Variants in SETX observed in about 807,000 individuals in gnomAD.
The protein encoded by SETX is senataxin, also known as helicase senataxin.
A neutral mutation model predicts 227.2 loss-of-function variants in SETX; 90 were observed. The ratio of observed to expected loss-of-function variants is 0.40; its 90% CI spans 0.33 to 0.47. The LOEUF is 0.47. Ranked by LOEUF, SETX falls within the 20% of genes least tolerant of loss-of-function variation. The pLI is 0.91. For missense variants in SETX, 3,052 were observed against 3,181.5 expected (o/e 0.96, Z 0.98); for synonymous variants, 1,210 against 1,113.2 (o/e 1.09, Z -1.73).
At chr9:132,302,680 G>GAAAAA (rs1564510211) in intron 11 of SETX, among the ~76,000 whole-genome samples, 2 of 36,176 alleles carry the variant, frequency 5.5e-5, no homozygotes, top group Non-Finnish European at 1.0e-4. Flanking sequence ...AAAAAAAAAA[G>GAAAAA]CAAAAAAAAA....
chr9:132,325,932 TAAA>T lies in SETX; in HGVS notation c.5274+389_5274+391del, dbSNP rs1305318477. On this transcript the variant is annotated intron_variant, in intron 10 of 25. Coordinates refer to ENST00000224140, the MANE Select transcript of SETX (RefSeq NM_015046.7). ...TGGGCAGCAAGAGCAAAACTCCACC[TAAA>T]AAAAAAAAAAAAAAAAAGTGTTTCC... 8.8e-4 allele frequency among the ~76,000 whole-genome samples: 65 copies of T among 73,956 alleles called. 1 individual carries two copies. The highest frequency in any genetic ancestry group is 4.4e-4 in the Admixed American group (3 of 6,768). 48.5% of individuals were successfully genotyped at this position (73,956 alleles called of 152,430 possible).
At chr9:132,352,219 T>C (rs1043139272) in intron 2 of SETX, among the ~76,000 whole-genome samples, 2 of 152,220 alleles carry the variant, frequency 1.3e-5, no homozygotes, top group African/African-American at 4.8e-5. Flanking sequence ...TGCTAAAGCA[T>C]ATGAAAATGC....
chr9:132,305,112 T>C (rs902410558), intron 11 of SETX, among the ~76,000 whole-genome samples: 7 of 152,138 alleles, frequency 4.6e-5, no homozygotes, highest in Non-Finnish European at 8.8e-5. Context: ...CCCAGCACTT[T>C]GGGAGGCCGA....
chr9:132,270,217 G>A (rs78428463), intron 24 of SETX, among the ~76,000 whole-genome samples: 1 of 149,140 alleles, frequency 6.7e-6, no homozygotes, highest in Non-Finnish European at 1.5e-5. Context: ...AGACACAGGT[G>A]GACTCTACAA....
chr9:132,302,284 G>A (rs1205715834), intron 11 of SETX, among the ~76,000 whole-genome samples: 1 of 146,968 alleles, frequency 6.8e-6, no homozygotes, highest in Non-Finnish European at 1.5e-5. Context: ...GTGAACCCAG[G>A]AGGCGGAGCT....
At chr9:132,265,206 T>G (rs1350073970) in intron 25 of SETX, among the ~76,000 whole-genome samples, 1 of 148,860 alleles carries the variant, frequency 6.7e-6, no homozygotes, top group South Asian at 2.1e-4. Context: ...CAACCTATAA[T>G]GGAGAACTTC....
In SETX at chr9:132,330,024, G is replaced by GAATGC; in HGVS notation, c.1569_1573dup (p.Ser525CysfsTer16). ...AAGTTGTACAGAGTTAGATGGCATG[G>GAATGC]AATGCAATGACAGTGAAGATATCAT... On this transcript the variant is annotated frameshift_variant, in exon 10 of 26. Transcript: ENST00000224140. LOFTEE classifies it high-confidence loss of function. 6.2e-7 allele frequency: 1 copy of GAATGC among 1,614,184 alleles called. No homozygotes were observed. Among genetic ancestry groups the GAATGC allele is most frequent in the East Asian group, 2.2e-5 (1 of 44,892 alleles).
rs946753089 is a variant in SETX, at chr9:132,326,849, G to A, written c.4749C>T (p.Gly1583=). 1.7e-5 allele frequency: 27 copies of A among 1,614,112 alleles called. No homozygotes were observed. Among genetic ancestry groups the A allele is most frequent in the South Asian group, 3.3e-5 (3 of 91,090 alleles). The stretch of plus-strand genomic sequence containing the variant: ...AAGGTTTAGATGCAGGAGGAGGCAA[G>A]CCAGGTTTACGAAATACATCTTCAT... ...AADEDVFRKP[G]LPPPASKPLR... Residue 1583 remains glycine (G), a synonymous_variant, in exon 10 of 26, where the codon GGC becomes GGT. Coordinates refer to ENST00000224140, the MANE Select transcript of SETX (RefSeq NM_015046.7).
rs57108934 is a variant in SETX at position 132,321,654 on chromosome 9, CA to C, written c.5274+4669del. On this transcript the variant is annotated intron_variant, in intron 10 of 25. Transcript: ENST00000224140. The stretch of plus-strand genomic sequence containing the variant: ...CCTGGGCAACAGAGCGATACTGTCT[CA>C]AAAAAAAAAAAAAAAAAACTACAAA... Among the ~76,000 whole-genome samples the C allele has an allele frequency of 7.8e-3, 401 of 51,400 alleles. 3 individuals carry two copies. Among genetic ancestry groups the C allele is most frequent in the African/African-American group, 0.034 (356 of 10,386 alleles). 33.7% of individuals were successfully genotyped at this position (51,400 alleles called of 152,430 possible). A position where few individuals can be genotyped will look rare whatever the true frequency, so the allele number is the denominator to read the frequency against.
In SETX at chr9:132,297,004, A is replaced by G; in HGVS notation, c.5832T>C (p.Thr1944=). 1 of 1,613,982 alleles carries G rather than the reference A, an allele frequency of 6.2e-7. No individual in the cohort carries two copies. The highest frequency in any genetic ancestry group is 8.5e-7 in the Non-Finnish European group (1 of 1,179,936). The change falls in exon 14 of 26, where the codon ACT becomes ACC. Residue 1944 remains threonine, a synonymous_variant. Transcript: ENST00000224140. ...GTGAGTGTTTCACCATAGCATATGC[A>G]GTTTCTATTGCTTTCTTTTGATCTT... ...FNEDQKKAIE[T]AYAMVKHSPS...
Position 132,327,566 on chromosome 9 carries a change from A to G in SETX, c.4032T>C (p.Thr1344=). Residue 1344 remains threonine, a synonymous_variant, in exon 10 of 26, where the codon ACT becomes ACC. Coordinates refer to ENST00000224140, the MANE Select transcript of SETX (RefSeq NM_015046.7). The part of the protein sequence containing the change: ...LSVRNNKKLL[T]SQELQMQRQI... The stretch of plus-strand genomic sequence containing the variant: ...GCCTTTGCATCTGAAGTTCTTGACT[A>G]GTCAGAAGTTTCTTATTATTTCTGA... 1 of 1,614,108 alleles carries G rather than the reference A, an allele frequency of 6.2e-7. No individual in the cohort carries two copies. The highest frequency in any genetic ancestry group is 8.5e-7 in the Non-Finnish European group (1 of 1,180,030).
chr9:132,285,180 G>T (rs1843778347), intron 18 of SETX, among the ~76,000 whole-genome samples: 1 of 151,720 alleles, frequency 6.6e-6, no homozygotes, highest in South Asian at 2.1e-4. Flanking sequence ...CCTGGCCAAA[G>T]CTATTTTCAT....
rs1313743731 is a variant in SETX at position 132,333,414 on chromosome 9, T to TACAC, written c.838+1193_838+1194insGTGT. On this transcript the variant is annotated intron_variant, in intron 7 of 25. Transcript: ENST00000224140. ...AAAAAAAAAGAAAAAAAAAAATATATATACACACACACACACACACACACA... is the reference window on the plus strand; with the variant it reads ...AAAAAAAAAGAAAAAAAAAAATATATACACATACACACACACACACACACACACA... 7.7e-5 allele frequency among the ~76,000 whole-genome samples: 8 copies of TACAC among 103,372 alleles called. No individual in the cohort carries two copies. The East Asian group carries it at 1.2e-3, about 16-fold the overall frequency. The allele number at this position is 103,372 out of a possible 152,430, so 67.8% of individuals were successfully genotyped here.
At chr9:132,321,422 C>T (rs1846319935) in intron 10 of SETX, among the ~76,000 whole-genome samples, 1 of 151,960 alleles carries the variant, frequency 6.6e-6, no homozygotes, top group African/African-American at 2.4e-5. Flanking sequence ...TTTGGAAGGC[C>T]GAGGTGGGTG....
chr9:132,323,819 C>T (rs1484351445), intron 10 of SETX, among the ~76,000 whole-genome samples: 2 of 151,950 alleles, frequency 1.3e-5, no homozygotes, highest in East Asian at 3.9e-4. Context: ...GGAAGGACTA[C>T]CAGAGGCCAA....
At chr9:132,282,260 T>G (rs1204978933) in intron 19 of SETX, among the ~76,000 whole-genome samples, 1 of 151,484 alleles carries the variant, frequency 6.6e-6, no homozygotes, top group Non-Finnish European at 1.5e-5. Flanking sequence ...AAAGTCCTTT[T>G]AAAACTTTAT....
intron 15 of SETX, 147 bp downstream of exon 15, chr9:132,295,725 T>C (rs1202608823): frequency 2.5e-6 from 2 of 802,002 alleles, no homozygotes; most frequent in African/African-American, 1.7e-5. Flanking sequence ...AAATGTTCAA[T>C]GAAATACTTG....
intron 10 of SETX, among the ~76,000 whole-genome samples, chr9:132,316,639 T>G (rs1399617715): frequency 2.6e-5 from 4 of 152,242 alleles, no homozygotes; most frequent in Non-Finnish European, 5.9e-5. Flanking sequence ...TTTTCCCCAA[T>G]GAAGCAGGCC....
At chr9:132,274,616 A>AT (rs201046034) in intron 23 of SETX, among the ~76,000 whole-genome samples, 2,263 of 150,232 alleles carry the variant, frequency 0.015, 62 homozygotes, top group African/African-American at 0.053. Flanking sequence ...TAATTTTTGT[A>AT]TTTTTTTTCA....
Sources: allele counts gnomAD v4.1 joint callset (sites outside exome capture counted in the v4.1 genomes callset), GRCh38; gene constraint gnomAD v4.1.1; transcripts MANE v1.5; gene names NCBI Gene and HGNC (gene_info 2026-07-23, HGNC 2026-07-21).